GRM5: variants seen among roughly 807,000 people sequenced by gnomAD.
GRM5 encodes metabotropic glutamate receptor 5.
GRM5 carries 19 observed loss-of-function variants against 83.1 expected under a neutral mutation model. The observed-to-expected ratio is 0.23, with a 90% CI of 0.16 to 0.34. The LOEUF is 0.34. Ranked by LOEUF, GRM5 falls within the 10% of genes least tolerant of loss-of-function variation. The probability of loss-of-function intolerance (pLI) is 1.00; values close to 1 mark genes in which losing one functional copy is unlikely to be tolerated. For missense variants in GRM5, 1,160 were observed against 1,588.3 expected (o/e 0.73, Z 4.58); for synonymous variants, 675 against 633.6 (o/e 1.07, Z -0.98).
chr11:88,982,974 G>C (rs1308073107), intron 2 of GRM5, among the ~76,000 whole-genome samples: 1 of 152,190 alleles, frequency 6.6e-6, no homozygotes, highest in African/African-American at 2.4e-5. Context: ...GCTGAAGCTG[G>C]AGAATTGCTT....
intron 3 of GRM5, among the ~76,000 whole-genome samples, chr11:88,693,130 C>T (rs1019327250): frequency 1.7e-4 from 20 of 118,674 alleles, no homozygotes; most frequent in Non-Finnish European, 2.9e-4. Context: ...AGCACAGAAA[C>T]AATTCAATTC....
At chr11:88,858,298 G>A (rs1944506879) in intron 2 of GRM5, among the ~76,000 whole-genome samples, 1 of 152,070 alleles carries the variant, frequency 6.6e-6, no homozygotes, top group South Asian at 2.1e-4. Flanking sequence ...TGTAACAAAT[G>A]TAGATAAGTT....
At chr11:88,779,995 C>T (rs1486009825) in intron 3 of GRM5, among the ~76,000 whole-genome samples, 1 of 152,120 alleles carries the variant, frequency 6.6e-6, no homozygotes, top group East Asian at 1.9e-4. Flanking sequence ...AGAGCTATGC[C>T]CTGTGCCTGG....
At chr11:88,730,216 G>A (rs1037579133) in intron 3 of GRM5, among the ~76,000 whole-genome samples, 14 of 152,110 alleles carry the variant, frequency 9.2e-5, no homozygotes, top group African/African-American at 2.7e-4. Flanking sequence ...AGTGGGTGAA[G>A]GATATGAACA....
At chr11:88,594,158 A>C (rs1009493492) in intron 6 of GRM5, among the ~76,000 whole-genome samples, 1 of 152,176 alleles carries the variant, frequency 6.6e-6, no homozygotes, top group Non-Finnish European at 1.5e-5. Context: ...TTATGTGGTA[A>C]TTTACACTGT....
intron 7 of GRM5, among the ~76,000 whole-genome samples, chr11:88,571,150 T>C (rs545813344): frequency 1.3e-5 from 2 of 152,340 alleles, no homozygotes; most frequent in South Asian, 2.1e-4. Context: ...TTAAGTTTAA[T>C]TTCTAAATAC....
intron 3 of GRM5, among the ~76,000 whole-genome samples, chr11:88,795,054 A>G (rs1184552369): frequency 6.6e-6 from 1 of 152,228 alleles, no homozygotes; most frequent in African/African-American, 2.4e-5. Flanking sequence ...AGATAAGAAC[A>G]AACAAGAATA....
intron 3 of GRM5, among the ~76,000 whole-genome samples, chr11:88,682,066 A>G (rs939202523): frequency 2.0e-5 from 3 of 152,204 alleles, no homozygotes; most frequent in Non-Finnish European, 4.4e-5. Flanking sequence ...TTTAAAAATT[A>G]TGGTTACTGT....
intron 3 of GRM5, among the ~76,000 whole-genome samples, chr11:88,665,162 T>TACACACACACACACACACACACACAC (rs1214459891): frequency 2.1e-4 from 30 of 141,008 alleles, no homozygotes; most frequent in East Asian, 6.2e-4. Flanking sequence ...TTAATTTATT[T>TACACACACACACACACACACACACAC]ACACACACAC....
Position 89,047,889 on chromosome 11 carries a change from A to T in GRM5, c.-17T>A. 6.2e-7 allele frequency: 1 copy of T among 1,603,566 alleles called. No homozygotes were observed. Among genetic ancestry groups the T allele is most frequent in the Non-Finnish European group, 8.5e-7 (1 of 1,171,846 alleles). On this transcript the variant is annotated 5_prime_UTR_variant, in exon 2 of 10. The change abolishes the stop of an existing upstream ORF in the 5' untranslated region. Coordinates refer to ENST00000305447, the MANE Select transcript of GRM5 (RefSeq NM_001143831.3). The surrounding 1 kb of genome is among the most constrained non-coding windows in gnomAD (Gnocchi z 5.1). ...AAGGACCATTTTAGGAAAGGAGTTCAAGCCAATAAAGATAGCATGGTGGGG... is the reference window on the plus strand; with the variant it reads ...AAGGACCATTTTAGGAAAGGAGTTCTAGCCAATAAAGATAGCATGGTGGGG...
intron 2 of GRM5, among the ~76,000 whole-genome samples, chr11:89,001,102 A>T (rs960966063): frequency 6.6e-6 from 1 of 152,088 alleles, no homozygotes; most frequent in African/African-American, 2.4e-5. Context: ...AATGTAAAAT[A>T]ACCTGCTAGG....
chr11:88,809,227 G>A (rs1193243887), intron 3 of GRM5, among the ~76,000 whole-genome samples: 2 of 152,008 alleles, frequency 1.3e-5, no homozygotes, highest in African/African-American at 4.8e-5. Flanking sequence ...TATCCAGCTG[G>A]AGGAGAGGAG....
At chr11:88,571,521 A>G (rs1001835126) in intron 7 of GRM5, among the ~76,000 whole-genome samples, 1 of 152,198 alleles carries the variant, frequency 6.6e-6, no homozygotes, top group African/African-American at 2.4e-5. Context: ...TTTCCAAAAA[A>G]TGGATGCGTA....
chr11:88,936,306 G>A (rs574412413), intron 2 of GRM5, among the ~76,000 whole-genome samples: 2 of 152,036 alleles, frequency 1.3e-5, no homozygotes, highest in East Asian at 3.9e-4. Context: ...AGAAGTCAAT[G>A]TATGGTGAGT....
intron 3 of GRM5, among the ~76,000 whole-genome samples, chr11:88,831,701 A>C (rs1943997446): frequency 6.6e-6 from 1 of 152,082 alleles, no homozygotes; most frequent in African/African-American, 2.4e-5. Flanking sequence ...GCATCTATCC[A>C]CACACACCAA....
chr11:88,634,966 C>T (rs1939078204), intron 4 of GRM5, among the ~76,000 whole-genome samples: 1 of 152,078 alleles, frequency 6.6e-6, no homozygotes, highest in Admixed American at 6.6e-5. Flanking sequence ...TTTACTGAAT[C>T]GTTATGTAGC....
At chr11:88,944,559 T>G (rs974158853) in intron 2 of GRM5, among the ~76,000 whole-genome samples, 1 of 151,914 alleles carries the variant, frequency 6.6e-6, no homozygotes, top group African/African-American at 2.4e-5. Flanking sequence ...ATTTCTGGTT[T>G]ATGACTCAAT....
intron 2 of GRM5, among the ~76,000 whole-genome samples, chr11:88,957,351 A>G (rs532970794): frequency 3.9e-4 from 59 of 152,342 alleles, no homozygotes; most frequent in African/African-American, 1.3e-3. Context: ...GAAGAGGAGG[A>G]CTGTGGATGT....
At chr11:89,031,373 T>G (rs1183105165) in intron 2 of GRM5, among the ~76,000 whole-genome samples, 2 of 151,948 alleles carry the variant, frequency 1.3e-5, no homozygotes, top group Non-Finnish European at 2.9e-5. Context: ...TTGTTGTTAT[T>G]AAGTTAATTA....
Sources: allele counts gnomAD v4.1 joint callset (sites outside exome capture counted in the v4.1 genomes callset), GRCh38; gene constraint gnomAD v4.1.1; non-coding constraint Gnocchi (gnomAD v3.1); transcripts MANE v1.5; gene names NCBI Gene and HGNC (gene_info 2026-07-23, HGNC 2026-07-21).